Variants in MSI2 observed in about 807,000 individuals in gnomAD.
The protein encoded by MSI2 is musashi RNA binding protein 2, also known as RNA-binding protein Musashi homolog 2.
Under a neutral mutation model 45.6 loss-of-function variants are expected in MSI2, and 17 were observed. That is an observed-to-expected ratio of 0.37 (90% CI 0.26 to 0.56). The LOEUF (loss-of-function observed/expected upper bound fraction) is 0.56. MSI2 is among the 20% of genes least tolerant of loss of function. The pLI is 0.77. For missense variants in MSI2, 293 were observed against 444.2 expected (o/e 0.66, Z 3.06); for synonymous variants, 156 against 158.2 (o/e 0.99, Z 0.11).
intron 5 of MSI2, among the ~76,000 whole-genome samples, chr17:57,296,953 C>A (rs2143509755): frequency 6.6e-6 from 1 of 152,310 alleles, no homozygotes; most frequent in Admixed American, 6.5e-5. Flanking sequence ...CTGCTCACTG[C>A]AAGCTCTGCC....
chr17:57,588,754 G>A (rs1904547791), intron 7 of MSI2, among the ~76,000 whole-genome samples: 1 of 152,204 alleles, frequency 6.6e-6, no homozygotes, highest in African/African-American at 2.4e-5. Flanking sequence ...TTTCATAGAT[G>A]TTCTTACAGG....
intron 6 of MSI2, among the ~76,000 whole-genome samples, chr17:57,404,797 C>T (rs562666701): frequency 1.7e-4 from 26 of 152,146 alleles, no homozygotes; most frequent in Non-Finnish European, 3.1e-4. Context: ...AGTGACACAC[C>T]GGGAGCTTTA....
At chr17:57,635,076 G>T (rs117716553) in intron 10 of MSI2, among the ~76,000 whole-genome samples, 1,769 of 152,288 alleles carry the variant, frequency 0.012, 15 homozygotes, top group Non-Finnish European at 0.018. Context: ...AGAGTGGAAC[G>T]GCTACTAGTA....
intron 10 of MSI2, among the ~76,000 whole-genome samples, chr17:57,636,416 G>T (rs1177071186): frequency 6.6e-6 from 1 of 152,102 alleles, no homozygotes; most frequent in Non-Finnish European, 1.5e-5. Flanking sequence ...CTGGGCCACC[G>T]GGGGGAGCAA....
intron 5 of MSI2, among the ~76,000 whole-genome samples, chr17:57,332,735 A>G (rs1302591952): frequency 2.0e-5 from 3 of 152,166 alleles, no homozygotes; most frequent in African/African-American, 7.2e-5. Flanking sequence ...ATTTAAGAGT[A>G]TGGATGCAGG....
At chr17:57,633,180 T>G in intron 10 of MSI2, 1 of 1,015,504 alleles carries the variant, frequency 9.8e-7, no homozygotes. Flanking sequence ...TTGTTTACCA[T>G]GGACATACTG....
At chr17:57,468,168 G>A (rs2085363583) in intron 6 of MSI2, among the ~76,000 whole-genome samples, 1 of 151,802 alleles carries the variant, frequency 6.6e-6, no homozygotes, top group African/African-American at 2.4e-5. Context: ...TAAAATGGAG[G>A]AAAGAGTCTC....
At chr17:57,691,927 G>GGTCA in the MSI2 span, among the ~76,000 whole-genome samples, 1 of 152,140 alleles carries the variant, frequency 6.6e-6, no homozygotes, top group Admixed American at 6.5e-5. Flanking sequence ...AAAGGTAAGT[G>GGTCA]GTCAGTCTTT....
intron 5 of MSI2, among the ~76,000 whole-genome samples, chr17:57,339,260 AG>A (rs1598141912): frequency 6.6e-6 from 1 of 152,320 alleles, no homozygotes; most frequent in South Asian, 2.1e-4. Flanking sequence ...GGCAGCCTCC[AG>A]GGGGTCGGCA....
At chr17:57,406,338 CCA>C (rs879705963) in intron 6 of MSI2, among the ~76,000 whole-genome samples, 9 of 152,202 alleles carry the variant, frequency 5.9e-5, no homozygotes, top group Non-Finnish European at 7.3e-5. Flanking sequence ...CAAAGAAACT[CCA>C]CACACACGGG....
At chr17:57,466,413 G>A (rs1320811517) in intron 6 of MSI2, among the ~76,000 whole-genome samples, 6 of 152,292 alleles carry the variant, frequency 3.9e-5, no homozygotes, top group East Asian at 1.9e-4. Context: ...TATGGGAGGC[G>A]GCAGTCCATT....
chr17:57,495,532 CAAA>C (rs56325646), intron 6 of MSI2, among the ~76,000 whole-genome samples: 30 of 72,610 alleles, frequency 4.1e-4, no homozygotes, highest in South Asian at 6.4e-4. Flanking sequence ...GACTCTGTCT[CAAA>C]AAAAAAAAAA....
chr17:57,482,715 A>T (rs2085672624), intron 6 of MSI2, among the ~76,000 whole-genome samples: 1 of 152,132 alleles, frequency 6.6e-6, no homozygotes. Flanking sequence ...TCACATGTAT[A>T]GATTCCCTGT....
chr17:57,607,833 T>C (rs1237773602), intron 8 of MSI2, among the ~76,000 whole-genome samples: 1 of 151,990 alleles, frequency 6.6e-6, no homozygotes, highest in African/African-American at 2.4e-5. Context: ...CGTCGCTTGG[T>C]GAAAGCAGGT....
rs1469043956 is a variant in MSI2 at position 57,680,386 on chromosome 17, G to A, written c.*869G>A. On this transcript the variant is annotated 3_prime_UTR_variant, in exon 14 of 14. Coordinates refer to ENST00000284073, the MANE Select transcript of MSI2 (RefSeq NM_138962.4). The stretch of plus-strand genomic sequence containing the variant: ...CCATTAACTACATAGAAACTATTAA[G>A]AAAGAGAGAATCAAAAATATTTTTG... The A allele has an allele frequency of 1.8e-5, 4 of 226,960 alleles. No homozygotes were observed. The highest frequency in any genetic ancestry group is 8.9e-5 in the African/African-American group (4 of 44,942). 14.1% of individuals were successfully genotyped at this position (226,960 alleles called of 1,614,324 possible).
chr17:57,575,021 G>C (rs554067167), intron 7 of MSI2, among the ~76,000 whole-genome samples: 1 of 151,942 alleles, frequency 6.6e-6, no homozygotes, highest in Admixed American at 6.6e-5. Context: ...TAGTAGAGAT[G>C]GGGTTTCACT....
intron 6 of MSI2, among the ~76,000 whole-genome samples, chr17:57,406,266 G>T (rs1196121284): frequency 6.6e-6 from 1 of 151,948 alleles, no homozygotes; most frequent in East Asian, 1.9e-4. Flanking sequence ...GGCCTGTTCT[G>T]CACTGTTCTC....
chr17:57,289,219 T>G (rs1426328872), intron 5 of MSI2, among the ~76,000 whole-genome samples: 1 of 152,188 alleles, frequency 6.6e-6, no homozygotes, highest in Non-Finnish European at 1.5e-5. Flanking sequence ...TGGTCTTCCC[T>G]TTTGGTTAAG....
At chr17:57,551,468 T>G (rs1244098071) in intron 7 of MSI2, among the ~76,000 whole-genome samples, 8 of 152,108 alleles carry the variant, frequency 5.3e-5, no homozygotes, top group Non-Finnish European at 1.2e-4. Context: ...GACCGCCGTC[T>G]GGGATGAGGT....
Sources: allele counts gnomAD v4.1 joint callset (sites outside exome capture counted in the v4.1 genomes callset), GRCh38; gene constraint gnomAD v4.1.1; transcripts MANE v1.5; gene names NCBI Gene and HGNC (gene_info 2026-07-23, HGNC 2026-07-21).